The following SPTLC2 variants were observed in gnomAD, a reference collection of about 807,000 sequenced individuals.
SPTLC2 encodes the protein serine palmitoyltransferase 2.
Under a neutral mutation model 62.0 loss-of-function variants are expected in SPTLC2, and 21 were observed. That is an observed-to-expected ratio of 0.34 (90% CI 0.24 to 0.49). The LOEUF is 0.49. Among genes scored for constraint, SPTLC2 ranks in the 20% least tolerant of loss-of-function variants. The pLI is 0.99. For synonymous variants in SPTLC2, 261 were observed against 261.8 expected, an observed-to-expected ratio of 1.00 and a Z score of 0.03; for missense variants, 511 against 713.0, an observed-to-expected ratio of 0.72 and a Z score of 3.23.
At chr14:77,585,875 G>A (rs769014495) in intron 2 of SPTLC2, among the ~76,000 whole-genome samples, 18 of 151,926 alleles carry the variant, frequency 1.2e-4, no homozygotes, top group Non-Finnish European at 2.1e-4. Context: ...AAAATGACCC[G>A]ACCTAAACCT....
intron 9 of SPTLC2, among the ~76,000 whole-genome samples, chr14:77,538,420 T>C (rs1209248535): frequency 6.6e-6 from 1 of 152,220 alleles, no homozygotes; most frequent in Non-Finnish European, 1.5e-5. Context: ...AGAGATATGC[T>C]TGCATGGAGG....
At chr14:77,527,658 A>C (rs2079415769) in intron 9 of SPTLC2, among the ~76,000 whole-genome samples, 1 of 152,184 alleles carries the variant, frequency 6.6e-6, no homozygotes, top group Non-Finnish European at 1.5e-5. Flanking sequence ...TATTACTGAA[A>C]TAAACTCCAT....
intron 1 of SPTLC2, among the ~76,000 whole-genome samples, chr14:77,610,400 C>T (rs999279676): frequency 8.5e-5 from 13 of 152,178 alleles, no homozygotes; most frequent in African/African-American, 3.1e-4. Context: ...TCTCGGCTTC[C>T]CAAAGTGCTG....
In SPTLC2 at chr14:77,508,976, G is replaced by A. The variant is rs1236794112; in HGVS notation, c.*3308C>T. ...GCCAAATAAAGGAAGAAGGCATTAC[G>A]GAGACAAATCACTGGAAGCATGTTC... On this transcript the variant is annotated 3_prime_UTR_variant, in exon 12 of 12. Coordinates refer to ENST00000216484, the MANE Select transcript of SPTLC2 (RefSeq NM_004863.4). 3.3e-5 allele frequency: 5 copies of A among 152,164 alleles called. No homozygotes were observed. The highest frequency in any genetic ancestry group is 5.9e-5 in the Non-Finnish European group (4 of 68,038). The allele number at this position is 152,164 out of a possible 1,614,324, so 9.4% of individuals were successfully genotyped here. A position where few individuals can be genotyped will look rare whatever the true frequency, so the allele number is the denominator to read the frequency against.
At chr14:77,557,840 C>CT (rs1778102532) in intron 6 of SPTLC2, among the ~76,000 whole-genome samples, 2 of 152,118 alleles carry the variant, frequency 1.3e-5, no homozygotes, top group South Asian at 4.1e-4. Flanking sequence ...GTTAATGGGC[C>CT]TGGAAACAAC....
intron 4 of SPTLC2, 44 bp from the exon 5 acceptor site, chr14:77,570,552 T>C (rs1479136607): frequency 1.9e-6 from 3 of 1,571,738 alleles, no homozygotes; most frequent in East Asian, 2.5e-5. Flanking sequence ...AAATCCTGAA[T>C]TTAAGAATTA....
At chr14:77,544,898 C>G (rs2079519817) in intron 9 of SPTLC2, among the ~76,000 whole-genome samples, 1 of 152,142 alleles carries the variant, frequency 6.6e-6, no homozygotes, top group Non-Finnish European at 1.5e-5. Flanking sequence ...TCCCCCTTAC[C>G]CCTGATGTTT....
At chr14:77,612,714 T>G (rs1372089450) in intron 1 of SPTLC2, among the ~76,000 whole-genome samples, 2 of 152,248 alleles carry the variant, frequency 1.3e-5, no homozygotes, top group African/African-American at 4.8e-5. Context: ...AGCTATTTAG[T>G]AAACCAGCTT....
At chr14:77,590,889 G>A (rs907894840) in intron 2 of SPTLC2, among the ~76,000 whole-genome samples, 3 of 152,128 alleles carry the variant, frequency 2.0e-5, no homozygotes, top group Admixed American at 2.0e-4. Flanking sequence ...CTATTTGAAG[G>A]AAAAGCTTTC....
intron 2 of SPTLC2, among the ~76,000 whole-genome samples, chr14:77,582,384 C>T (rs1017100056): frequency 2.6e-5 from 4 of 152,120 alleles, no homozygotes; most frequent in African/African-American, 9.7e-5. Context: ...TTTCTAAACA[C>T]TGCACATTAA....
At chr14:77,594,754 G>A (rs1377729473) in intron 2 of SPTLC2, among the ~76,000 whole-genome samples, 4 of 152,134 alleles carry the variant, frequency 2.6e-5, no homozygotes, top group Admixed American at 2.6e-4. Context: ...TGTGCTGTCT[G>A]CACCACAATC....
At chr14:77,587,741 G>C (rs1195059669) in intron 2 of SPTLC2, among the ~76,000 whole-genome samples, 1 of 144,440 alleles carries the variant, frequency 6.9e-6, no homozygotes, top group Non-Finnish European at 1.5e-5. Context: ...TGGGCGACAA[G>C]AGCAAAACTC....
intron 9 of SPTLC2, among the ~76,000 whole-genome samples, chr14:77,547,174 A>G (rs1273300894): frequency 6.8e-6 from 1 of 147,436 alleles, no homozygotes; most frequent in Non-Finnish European, 1.5e-5. Context: ...GGAAACAAGT[A>G]TTTTTTTTTT....
At chr14:77,550,075 CAGA>C (rs2079548062) in intron 9 of SPTLC2, among the ~76,000 whole-genome samples, 1 of 152,174 alleles carries the variant, frequency 6.6e-6, no homozygotes, top group Non-Finnish European at 1.5e-5. Context: ...AACACCACAT[CAGA>C]AGGAGAGGAG....
chr14:77,555,562 A>C (rs781201326), intron 7 of SPTLC2, 43 bp from the exon 8 acceptor site: 1 of 1,576,104 alleles, frequency 6.3e-7, no homozygotes. Flanking sequence ...ATATACACTG[A>C]GACTTTTTAA....
rs1019148708 is a variant in SPTLC2, at chr14:77,510,952, T to G, written c.*1332A>C. 3 of 152,634 alleles carry G rather than the reference T, an allele frequency of 2.0e-5. No individual in the cohort carries two copies. The highest frequency in any genetic ancestry group is 2.1e-4 in the South Asian group (1 of 4,830). 9.5% of individuals were successfully genotyped at this position (152,634 alleles called of 1,614,324 possible). A position where few individuals can be genotyped will look rare whatever the true frequency, so the allele number is the denominator to read the frequency against. On this transcript the variant is annotated 3_prime_UTR_variant, in exon 12 of 12. Transcript: ENST00000216484. Reference sequence around the variant, plus strand: ...AATGGTGATTTTCAGATTTGTTCTTTGGTCAGGCAGTATAAAGCTCTCTGA... The same window carrying G: ...AATGGTGATTTTCAGATTTGTTCTTGGGTCAGGCAGTATAAAGCTCTCTGA...
chr14:77,580,208 CACACCT>C (rs1406881939), intron 2 of SPTLC2, among the ~76,000 whole-genome samples: 3 of 151,332 alleles, frequency 2.0e-5, no homozygotes, highest in Non-Finnish European at 4.4e-5. Context: ...TGTGGTAGCT[CACACCT>C]GTAATCCCAG....
intron 9 of SPTLC2, among the ~76,000 whole-genome samples, chr14:77,523,275 TA>T (rs2079393456): frequency 6.6e-6 from 1 of 152,192 alleles, no homozygotes; most frequent in African/African-American, 2.4e-5. Flanking sequence ...ACAAAGTACA[TA>T]AACAATGACT....
At chr14:77,566,878 T>C (rs1440872495) in intron 5 of SPTLC2, among the ~76,000 whole-genome samples, 3 of 56,080 alleles carry the variant, frequency 5.3e-5, no homozygotes, top group Non-Finnish European at 1.9e-4. Context: ...AAATTCAGTA[T>C]CAGATTCAAA....
Sources: gnomAD v4.1 joint callset for allele counts (sites outside exome capture counted in the v4.1 genomes callset) on GRCh38, gnomAD v4.1.1 for gene constraint, MANE v1.5 for transcripts, NCBI Gene and HGNC (gene_info 2026-07-23, HGNC 2026-07-21) for gene names.